KCNQ1: variants seen among roughly 807,000 people sequenced by gnomAD.
KCNQ1 encodes potassium voltage-gated channel subfamily Q member 1.
KCNQ1 carries 49 observed loss-of-function variants against 72.4 expected under a neutral mutation model. The ratio of observed to expected loss-of-function variants is 0.68; its 90% CI spans 0.54 to 0.86. The LOEUF is 0.86. Among genes scored for constraint, KCNQ1 ranks in the 40% least tolerant of loss-of-function variants. The probability of loss-of-function intolerance (pLI) is 0.00; values close to 1 mark genes in which losing one functional copy is unlikely to be tolerated. For missense variants in KCNQ1, 790 were observed against 945.1 expected (o/e 0.84, Z 2.15); for synonymous variants, 450 against 412.6 (o/e 1.09, Z -1.10).
At chr11:2,533,976 T>C (rs1178431175) in intron 2 of KCNQ1, among the ~76,000 whole-genome samples, 2 of 152,214 alleles carry the variant, frequency 1.3e-5, no homozygotes, top group African/African-American at 2.4e-5. Context: ...AGGTCATCGC[T>C]GCGGCTTCCT....
At chr11:2,832,358 G>T (rs1847969736) in intron 15 of KCNQ1, among the ~76,000 whole-genome samples, 1 of 152,200 alleles carries the variant, frequency 6.6e-6, no homozygotes, top group African/African-American at 2.4e-5. Context: ...CTTCCGGGCT[G>T]GGAGACTAGG....
rs1845930058 is a variant in KCNQ1, at chr11:2,734,923, G to A, written c.1515-33921G>A. ...AGGTGATGTCTCCAGGAGGCTTCTG[G>A]GCCAGCAGCATGTTCCAGTGCGACA... On this transcript the variant is annotated intron_variant, in intron 11 of 15. Coordinates refer to ENST00000155840, the MANE Select transcript of KCNQ1 (RefSeq NM_000218.3). The surrounding 1 kb of genome is among the most constrained non-coding windows in gnomAD (Gnocchi z 7.0). Among the ~76,000 whole-genome samples, 2 of 151,984 alleles carry A rather than the reference G, an allele frequency of 1.3e-5. No homozygotes were observed. The highest frequency in any genetic ancestry group is 2.4e-5 in the African/African-American group (1 of 41,402).
chr11:2,535,051 G>A (rs546918595), intron 2 of KCNQ1, among the ~76,000 whole-genome samples: 1 of 152,360 alleles, frequency 6.6e-6, no homozygotes, highest in Non-Finnish European at 1.5e-5. Context: ...AGGGCACGGG[G>A]TGGCCTGCAG....
At chr11:2,770,793 G>A (rs1490570902) in intron 12 of KCNQ1, among the ~76,000 whole-genome samples, 3 of 152,252 alleles carry the variant, frequency 2.0e-5, no homozygotes, top group African/African-American at 4.8e-5. Context: ...TGGCATGGAG[G>A]GCCTTGCTGG....
rs897645043 is a variant in KCNQ1, at chr11:2,493,972, A to G, written c.387-33956A>G. On this transcript the variant is annotated intron_variant, in intron 1 of 15. Transcript: ENST00000155840. The surrounding 1 kb of genome is among the most constrained non-coding windows in gnomAD (Gnocchi z 5.3). ...CATTTTCATGATACTGATTATTCCT[A>G]TCCATGAGCATGGAATTTTTTTTCC... is the stretch of plus-strand genomic sequence containing the variant. 6.6e-6 allele frequency among the ~76,000 whole-genome samples: 1 copy of G among 151,366 alleles called. No individual in the cohort carries two copies. Among genetic ancestry groups the G allele is most frequent in the Non-Finnish European group, 1.5e-5 (1 of 67,952 alleles).
chr11:2,761,193 C>T (rs1414756843), intron 11 of KCNQ1, among the ~76,000 whole-genome samples: 1 of 151,984 alleles, frequency 6.6e-6, no homozygotes, highest in Non-Finnish European at 1.5e-5. Flanking sequence ...TCAGGCGGCT[C>T]AGCAGCCTGG....
rs1846901544 is a variant in KCNQ1 at position 2,785,873 on chromosome 11, A to C, written c.1794+7836A>C. 3.9e-5 allele frequency among the ~76,000 whole-genome samples: 6 copies of C among 152,188 alleles called. No homozygotes were observed. In the South Asian group the frequency reaches 1.2e-3, roughly 32 times the overall value. On this transcript the variant is annotated intron_variant, in intron 15 of 15. Coordinates refer to ENST00000155840, the MANE Select transcript of KCNQ1 (RefSeq NM_000218.3). This position sits in a 1 kb window ranked among gnomAD's most constrained non-coding sequence, Gnocchi z 4.4. ...TCAGAAGTAATTGCTATATCTACCC[A>C]TATCTGTAATAAAATAGGGATCCTA... is the stretch of plus-strand genomic sequence containing the variant.
intron 6 of KCNQ1, among the ~76,000 whole-genome samples, chr11:2,582,756 C>G (rs973626701): frequency 2.0e-5 from 3 of 152,152 alleles, no homozygotes; most frequent in African/African-American, 7.2e-5. Context: ...CTGCACGGAC[C>G]AGGCCCAGCC....
chr11:2,656,864 A>G (rs1392677465), intron 10 of KCNQ1: 1 of 398,622 alleles, frequency 2.5e-6, no homozygotes, highest in Non-Finnish European at 4.4e-6. Context: ...TAGGTCTTCA[A>G]TCCCCTAGAA....
intron 1 of KCNQ1, among the ~76,000 whole-genome samples, chr11:2,518,959 G>A (rs763512927): frequency 1.2e-4 from 19 of 152,170 alleles, no homozygotes; most frequent in Admixed American, 5.2e-4. Context: ...TCTGTGAAGC[G>A]GGTGTGGGAT....
intron 15 of KCNQ1, among the ~76,000 whole-genome samples, chr11:2,835,962 C>T (rs1848059141): frequency 6.6e-6 from 1 of 151,886 alleles, no homozygotes; most frequent in Non-Finnish European, 1.5e-5. Flanking sequence ...GTCAGTGGTC[C>T]CAGGGGTCGG....
Position 2,750,267 on chromosome 11 carries a change from G to A in KCNQ1, c.1515-18577G>A, listed in dbSNP as rs1482133999. Reference sequence around the variant, plus strand: ...CCGGAGGCTGAAACAGGACGACAGAGCCCTCAGCCCAGGGCGGAGGACATG... The same window carrying A: ...CCGGAGGCTGAAACAGGACGACAGAACCCTCAGCCCAGGGCGGAGGACATG... On this transcript the variant is annotated intron_variant, in intron 11 of 15. Coordinates refer to ENST00000155840, the MANE Select transcript of KCNQ1 (RefSeq NM_000218.3). This position sits in a 1 kb window ranked among gnomAD's most constrained non-coding sequence, Gnocchi z 6.3. 2.0e-5 allele frequency among the ~76,000 whole-genome samples: 3 copies of A among 152,200 alleles called. No homozygotes were observed. The highest frequency in any genetic ancestry group is 4.8e-5 in the African/African-American group (2 of 41,438).
At position 2,588,593 on chromosome 11, in the gene KCNQ1, C is replaced by T. The variant is rs1480167291; in HGVS notation, c.1252-120C>T. The T allele has an allele frequency of 3.2e-6, 4 of 1,258,902 alleles. No homozygotes were observed. In the Admixed American group the frequency reaches 5.4e-5, roughly 17 times the overall value. 78.0% of individuals were successfully genotyped at this position (1,258,902 alleles called of 1,614,324 possible). On this transcript the variant is annotated intron_variant, in intron 9 of 15. Transcript: ENST00000155840. The surrounding 1 kb of genome is among the most constrained non-coding windows in gnomAD (Gnocchi z 5.6). ...GGAGCTGGCCCCAGGCCTCAGGTCC[C>T]TGTCCGGGTGTATGTGGCGGGGGCT...
chr11:2,618,565 G>T, intron 10 of KCNQ1: 1 of 398,538 alleles, frequency 2.5e-6, no homozygotes, highest in African/African-American at 2.1e-5. Flanking sequence ...CTACATGTTT[G>T]TTTTTTATGC....
chr11:2,467,043 C>A (rs1232580958), intron 1 of KCNQ1, among the ~76,000 whole-genome samples: 1 of 152,140 alleles, frequency 6.6e-6, no homozygotes, highest in Admixed American at 6.5e-5. Context: ...CCAGGGGAAG[C>A]CCGACAGATG....
Position 2,703,958 on chromosome 11 carries a change from G to A in KCNQ1, c.1514+41877G>A, listed in dbSNP as rs963393892. ...AGGCCCCACCCCACGCTGCTCTCAGGAGTGGACAGGAACGTGGGGGAGTGG... is the reference window on the plus strand; with the variant it reads ...AGGCCCCACCCCACGCTGCTCTCAGAAGTGGACAGGAACGTGGGGGAGTGG... On this transcript the variant is annotated intron_variant, in intron 11 of 15. Coordinates refer to ENST00000155840, the MANE Select transcript of KCNQ1 (RefSeq NM_000218.3). The surrounding 1 kb of genome is among the most constrained non-coding windows in gnomAD (Gnocchi z 6.4). Among the ~76,000 whole-genome samples, 1 of 152,092 alleles carries A rather than the reference G, an allele frequency of 6.6e-6. No individual in the cohort carries two copies. Among genetic ancestry groups the A allele is most frequent in the Non-Finnish European group, 1.5e-5 (1 of 68,018 alleles).
chr11:2,783,546 A>G lies in KCNQ1; in HGVS notation c.1794+5509A>G, dbSNP rs750405311. 6.6e-6 allele frequency among the ~76,000 whole-genome samples: 1 copy of G among 152,108 alleles called. No homozygotes were observed. The highest frequency in any genetic ancestry group is 2.4e-5 in the African/African-American group (1 of 41,448). On this transcript the variant is annotated intron_variant, in intron 15 of 15. Transcript: ENST00000155840. This position sits in a 1 kb window ranked among gnomAD's most constrained non-coding sequence, Gnocchi z 5.2. ...TGATCTATTATTACTGAGAAGGCAT[A>G]GGGCAAATTTCTGTTTAACTTTCTA...
intron 15 of KCNQ1, among the ~76,000 whole-genome samples, chr11:2,786,774 G>A (rs117096884): frequency 6.6e-5 from 10 of 151,870 alleles, no homozygotes; most frequent in East Asian, 3.9e-4. Context: ...CATTTTAATC[G>A]TATCTTCCTC....
chr11:2,701,128 C>T (rs1003516059), intron 11 of KCNQ1, among the ~76,000 whole-genome samples: 1 of 152,210 alleles, frequency 6.6e-6, no homozygotes, highest in South Asian at 2.1e-4. Context: ...CACCAAGGCA[C>T]GCAAGGAGGC....
Sources: allele counts gnomAD v4.1 joint callset (sites outside exome capture counted in the v4.1 genomes callset), GRCh38; gene constraint gnomAD v4.1.1; non-coding constraint Gnocchi (gnomAD v3.1); transcripts MANE v1.5; gene names NCBI Gene and HGNC (gene_info 2026-07-23, HGNC 2026-07-21).